Variants in PHTF2 observed in about 807,000 individuals in gnomAD.
PHTF2 encodes the protein putative homeodomain transcription factor 2.
In PHTF2, 60 loss-of-function variants were observed where a neutral mutation model predicts 101.2. The ratio of observed to expected loss-of-function variants is 0.59; its 90% CI spans 0.48 to 0.73. PHTF2 has a LOEUF of 0.73. PHTF2 is among the 30% of genes least tolerant of loss of function. PHTF2 has a pLI of 0.00. For missense variants in PHTF2, 747 were observed against 908.7 expected (o/e 0.82, Z 2.29); for synonymous variants, 311 against 307.3 (o/e 1.01, Z -0.13).
At chr7:77,853,668 A>G (rs979112366) in intron 2 of PHTF2, among the ~76,000 whole-genome samples, 1 of 152,056 alleles carries the variant, frequency 6.6e-6, no homozygotes, top group African/African-American at 2.4e-5. Flanking sequence ...TGTTGGGATT[A>G]CAGGTATGAG....
At chr7:77,830,148 T>G (rs1460552421) in intron 1 of PHTF2, among the ~76,000 whole-genome samples, 1 of 151,958 alleles carries the variant, frequency 6.6e-6, no homozygotes, top group Non-Finnish European at 1.5e-5. Context: ...GGGTGGGAGG[T>G]GGGGGCACAT....
At chr7:77,944,495 T>C (rs2150982883) in intron 16 of PHTF2, among the ~76,000 whole-genome samples, 1 of 152,350 alleles carries the variant, frequency 6.6e-6, no homozygotes, top group South Asian at 2.1e-4. Flanking sequence ...CATCTTGTCC[T>C]GTAACCCTCA....
chr7:77,875,568 A>ATTT (rs1562901364), intron 3 of PHTF2, among the ~76,000 whole-genome samples: 7 of 150,644 alleles, frequency 4.6e-5, no homozygotes, highest in African/African-American at 1.7e-4. Context: ...TATTATTATT[A>ATTT]TTTTTTTGAC....
At chr7:77,901,200 AGATT>A (rs1276935055) in intron 6 of PHTF2, among the ~76,000 whole-genome samples, 2 of 152,232 alleles carry the variant, frequency 1.3e-5, no homozygotes, top group African/African-American at 2.4e-5. Context: ...CCAGCATTGG[AGATT>A]ACAATTCAAT....
At chr7:77,906,633 G>A (rs1351506318) in intron 7 of PHTF2, 1 of 152,150 alleles carries the variant, frequency 6.6e-6, no homozygotes, top group Non-Finnish European at 1.5e-5. Flanking sequence ...AAAACCTAAA[G>A]TTTTAAAAGA....
chr7:77,846,753 TTGC>T (rs1465794077), intron 2 of PHTF2, among the ~76,000 whole-genome samples: 20 of 151,982 alleles, frequency 1.3e-4, no homozygotes, highest in African/African-American at 4.6e-4. Context: ...AGCAGTCCTC[TTGC>T]TCAGCCTTCC....
intron 1 of PHTF2, among the ~76,000 whole-genome samples, chr7:77,822,193 T>C (rs1584396855): frequency 6.6e-6 from 1 of 150,992 alleles, no homozygotes; most frequent in African/African-American, 2.4e-5. Context: ...GGCAGCAGAG[T>C]GTTGGGGAGC....
chr7:77,880,557 T>C (rs2463008), intron 3 of PHTF2, among the ~76,000 whole-genome samples: 87,973 of 151,842 alleles, frequency 0.58, 27,306 homozygotes, highest in African/African-American at 0.81. Flanking sequence ...TGCTTGGTCA[T>C]CCCCACATGT....
chr7:77,925,499 T>G (rs988221537), intron 11 of PHTF2, among the ~76,000 whole-genome samples: 2 of 68,478 alleles, frequency 2.9e-5, no homozygotes, highest in East Asian at 3.2e-4. Flanking sequence ...TTTAGGGTTT[T>G]TTTTTTTTTT....
At chr7:77,834,572 A>G (rs1282225335) in intron 1 of PHTF2, among the ~76,000 whole-genome samples, 4 of 152,150 alleles carry the variant, frequency 2.6e-5, no homozygotes, top group Admixed American at 6.5e-5. Flanking sequence ...CCTACCTCAC[A>G]TGGCTCAGAC....
At chr7:77,842,471 AT>A (rs943545304) in intron 2 of PHTF2, among the ~76,000 whole-genome samples, 3 of 151,852 alleles carry the variant, frequency 2.0e-5, no homozygotes, top group African/African-American at 7.3e-5. Flanking sequence ...GATTTGCTCT[AT>A]TTTTTTCCTT....
At chr7:77,929,908 TGTAAACACTTA>T (rs1325320889) in intron 12 of PHTF2, among the ~76,000 whole-genome samples, 1 of 151,954 alleles carries the variant, frequency 6.6e-6, no homozygotes, top group East Asian at 1.9e-4. Flanking sequence ...CAAAATCTGG[TGTAAACACTTA>T]GAGCACATCT....
intron 3 of PHTF2, among the ~76,000 whole-genome samples, chr7:77,861,414 A>G (rs1193699838): frequency 2.0e-5 from 3 of 151,362 alleles, no homozygotes; most frequent in South Asian, 4.2e-4. Context: ...TTTTCTGGGT[A>G]TTTTTTTTTA....
intron 3 of PHTF2, among the ~76,000 whole-genome samples, chr7:77,873,216 T>C (rs1445758816): frequency 6.6e-6 from 1 of 151,914 alleles, no homozygotes; most frequent in Non-Finnish European, 1.5e-5. Context: ...CGTGAGCCAC[T>C]GTGCTCGGCC....
intron 2 of PHTF2, 112 bp downstream of exon 2, chr7:77,840,412 A>C: frequency 1.5e-6 from 1 of 660,290 alleles, no homozygotes; most frequent in South Asian, 2.0e-5. Flanking sequence ...GATTATTTTT[A>C]TTTTTCTTGT....
chr7:77,890,314 A>C (rs909465278), intron 3 of PHTF2, among the ~76,000 whole-genome samples: 1 of 152,150 alleles, frequency 6.6e-6, no homozygotes, highest in East Asian at 1.9e-4. Context: ...CTGGAGTTGC[A>C]CTGAACCTAG....
intron 2 of PHTF2, among the ~76,000 whole-genome samples, chr7:77,850,232 C>T (rs1189089587): frequency 6.6e-6 from 1 of 150,396 alleles, no homozygotes; most frequent in African/African-American, 2.4e-5. Flanking sequence ...GGTGGCATGC[C>T]CCTTTATTTC....
chr7:77,950,982 G>A (rs571969226), intron 17 of PHTF2, among the ~76,000 whole-genome samples: 2 of 152,314 alleles, frequency 1.3e-5, no homozygotes, highest in South Asian at 2.1e-4. Flanking sequence ...CCAGATTGGG[G>A]GTAAAGGTGA....
chr7:77,901,161 G>GC (rs1801351104), intron 6 of PHTF2, among the ~76,000 whole-genome samples: 2 of 152,166 alleles, frequency 1.3e-5, no homozygotes, highest in African/African-American at 4.8e-5. Context: ...CACCCTTATG[G>GC]CCCGTATACC....
Sources: gnomAD v4.1 joint callset for allele counts (sites outside exome capture counted in the v4.1 genomes callset) on GRCh38, gnomAD v4.1.1 for gene constraint, MANE v1.5 for transcripts, NCBI Gene and HGNC (gene_info 2026-07-23, HGNC 2026-07-21) for gene names.